Variants in RCAN2 observed in about 807,000 individuals in gnomAD.
RCAN2 encodes calcipressin-2.
Under a neutral mutation model 23.6 loss-of-function variants are expected in RCAN2, and 9 were observed. That is an observed-to-expected ratio of 0.38 (90% CI 0.23 to 0.67). The LOEUF is 0.67. Among genes scored for constraint, RCAN2 ranks in the 30% least tolerant of loss-of-function variants. The probability of loss-of-function intolerance (pLI) is 0.51; values close to 1 mark genes in which losing one functional copy is unlikely to be tolerated. For synonymous variants in RCAN2, 109 were observed against 115.7 expected, an observed-to-expected ratio of 0.94 and a Z score of 0.37; for missense variants, 273 against 302.3, an observed-to-expected ratio of 0.90 and a Z score of 0.72.
intron 2 of RCAN2, among the ~76,000 whole-genome samples, chr6:46,296,136 G>A (rs1762724335): frequency 6.7e-6 from 1 of 149,680 alleles, no homozygotes; most frequent in South Asian, 2.1e-4. Context: ...GGCCTGCCAT[G>A]TTGATTTCCC....
chr6:46,264,309 C>A (rs550684052), intron 2 of RCAN2, among the ~76,000 whole-genome samples: 13 of 152,328 alleles, frequency 8.5e-5, no homozygotes, highest in African/African-American at 3.1e-4. Flanking sequence ...GGCAAGTGAT[C>A]AAAGTAAGCT....
At chr6:46,279,461 C>T (rs1767828439) in intron 2 of RCAN2, among the ~76,000 whole-genome samples, 1 of 152,164 alleles carries the variant, frequency 6.6e-6, no homozygotes, top group South Asian at 2.1e-4. Flanking sequence ...TTGGTGAGAG[C>T]CCTGGCCTCT....
intron 2 of RCAN2, among the ~76,000 whole-genome samples, chr6:46,359,404 G>A (rs775721580): frequency 6.6e-6 from 1 of 152,224 alleles, no homozygotes; most frequent in Non-Finnish European, 1.5e-5. Context: ...AGACAGCAAA[G>A]ATGTACTTCA....
chr6:46,359,841 C>T (rs1764949288), intron 2 of RCAN2, among the ~76,000 whole-genome samples: 1 of 152,106 alleles, frequency 6.6e-6, no homozygotes, highest in Non-Finnish European at 1.5e-5. Context: ...TTTGATAAGT[C>T]ACAATATACA....
At chr6:46,251,806 G>T (rs1203324949) in intron 2 of RCAN2, among the ~76,000 whole-genome samples, 1 of 152,030 alleles carries the variant, frequency 6.6e-6, no homozygotes, top group Non-Finnish European at 1.5e-5. Context: ...CTCAATAGAA[G>T]GCTCCAGGCA....
intron 2 of RCAN2, among the ~76,000 whole-genome samples, chr6:46,361,922 C>T (rs1765026232): frequency 6.6e-6 from 1 of 152,134 alleles, no homozygotes; most frequent in Non-Finnish European, 1.5e-5. Flanking sequence ...ACTTTTCAAA[C>T]ATCTATCATC....
chr6:46,328,515 T>C (rs1030815148), intron 2 of RCAN2, among the ~76,000 whole-genome samples: 3 of 152,352 alleles, frequency 2.0e-5, no homozygotes, highest in Non-Finnish European at 4.4e-5. Context: ...GGGTTTTTAA[T>C]AGTCATTCGT....
chr6:46,304,036 G>A (rs1335120050), intron 2 of RCAN2, among the ~76,000 whole-genome samples: 5 of 152,098 alleles, frequency 3.3e-5, no homozygotes, highest in South Asian at 4.1e-4. Flanking sequence ...TCCCAAAGTG[G>A]TTGTAATAAT....
In RCAN2 at chr6:46,440,181, G is replaced by A. The variant is rs75649694; in HGVS notation, c.225+16571C>T. On this transcript the variant is annotated intron_variant, in intron 2 of 4. Transcript: ENST00000371374. Reference sequence around the variant, plus strand: ...ACACATATCCTCAAATGCTTTATAAGTGTTCATTTCCTCACAAATGAATAT... The same window carrying A: ...ACACATATCCTCAAATGCTTTATAAATGTTCATTTCCTCACAAATGAATAT... 4.9e-3 allele frequency among the ~76,000 whole-genome samples: 746 copies of A among 152,194 alleles called. 5 individuals are homozygous for A. Among genetic ancestry groups the A allele is most frequent in the African/African-American group, 0.017 (709 of 41,514 alleles).
At chr6:46,384,268 T>C (rs1765685781) in intron 2 of RCAN2, among the ~76,000 whole-genome samples, 1 of 152,226 alleles carries the variant, frequency 6.6e-6, no homozygotes, top group Non-Finnish European at 1.5e-5. Context: ...TTAATTAATT[T>C]CCAGTGTTAA....
intron 2 of RCAN2, among the ~76,000 whole-genome samples, chr6:46,258,176 T>A (rs1766983291): frequency 6.6e-6 from 1 of 152,196 alleles, no homozygotes; most frequent in Non-Finnish European, 1.5e-5. Context: ...GGTTTATCAC[T>A]TCTCAGTGGA....
intron 1 of RCAN2, among the ~76,000 whole-genome samples, chr6:46,463,486 A>G (rs935051912): frequency 6.6e-5 from 10 of 152,322 alleles, no homozygotes; most frequent in African/African-American, 2.4e-4. Flanking sequence ...GGTGCCATTC[A>G]TTTAGCAGGA....
chr6:46,257,715 A>T (rs553857061), intron 2 of RCAN2, among the ~76,000 whole-genome samples: 1 of 152,180 alleles, frequency 6.6e-6, no homozygotes, highest in African/African-American at 2.4e-5. Flanking sequence ...TTACAATTCT[A>T]GATGAGATTT....
intron 2 of RCAN2, among the ~76,000 whole-genome samples, chr6:46,340,867 T>C (rs183360394): frequency 3.3e-5 from 5 of 152,360 alleles, no homozygotes; most frequent in Admixed American, 3.3e-4. Flanking sequence ...GATTTAATCC[T>C]TGAATGAATC....
intron 1 of RCAN2, among the ~76,000 whole-genome samples, chr6:46,485,174 A>ATCTG (rs1241532005): frequency 2.0e-5 from 3 of 152,244 alleles, no homozygotes; most frequent in African/African-American, 7.2e-5. Context: ...TATCTTAAAT[A>ATCTG]ATTGGGAACA....
At chr6:46,223,378 A>G (rs1056838149) in intron 4 of RCAN2, 77 bp from the exon 5 acceptor site, 17 of 1,382,674 alleles carry the variant, frequency 1.2e-5, no homozygotes, top group Middle Eastern at 1.9e-4. Flanking sequence ...CTGCTTAGGA[A>G]ATGACAGGAG....
In RCAN2 at chr6:46,361,937, T is replaced by A. The variant is rs144819842; in HGVS notation, c.225+94815A>T. Among the ~76,000 whole-genome samples the A allele has an allele frequency of 8.2e-3, 1,255 of 152,304 alleles. 79 individuals carry two copies. The highest frequency in any genetic ancestry group is 0.075 in the Admixed American group (1,152 of 15,292). On this transcript the variant is annotated intron_variant, in intron 2 of 4. Transcript: ENST00000371374. Reference sequence around the variant, plus strand: ...ACTTTTCAAACATCTATCATCATGGTTTGGAGAATTTCAGCAGAGAAAGTT... The same window carrying A: ...ACTTTTCAAACATCTATCATCATGGATTGGAGAATTTCAGCAGAGAAAGTT...
rs1386092403 is a variant in RCAN2, at chr6:46,243,832, AC to A, written c.571+2915del. ...CTCAAAAAAAAAAAAAAAAAAAAAA[AC>A]CAAGAAATAATTCTTGATTCAGGGT... On this transcript the variant is annotated intron_variant, in intron 4 of 4. Transcript: ENST00000371374. Among the ~76,000 whole-genome samples, 29 of 145,320 alleles carry A rather than the reference AC, an allele frequency of 2.0e-4. 1 individual carries two copies. The highest frequency in any genetic ancestry group is 2.3e-4 in the African/African-American group (9 of 39,470).
chr6:46,296,381 C>T (rs1395989781), intron 2 of RCAN2, among the ~76,000 whole-genome samples: 5 of 152,014 alleles, frequency 3.3e-5, no homozygotes, highest in Non-Finnish European at 7.4e-5. Context: ...TCCCTGGTGA[C>T]ATATTTTGAC....
Sources: allele counts gnomAD v4.1 joint callset (sites outside exome capture counted in the v4.1 genomes callset), GRCh38; gene constraint gnomAD v4.1.1; transcripts MANE v1.5; gene names NCBI Gene and HGNC (gene_info 2026-07-23, HGNC 2026-07-21).